SV2C: variants seen among roughly 807,000 people sequenced by gnomAD.
The protein encoded by SV2C is synaptic vesicle glycoprotein 2C, also known as solute carrier family 22 member B3.
In SV2C, 49 loss-of-function variants were observed where a neutral mutation model predicts 79.7. That is an observed-to-expected ratio of 0.61 (90% confidence interval 0.49 to 0.78). SV2C has a LOEUF of 0.78. Among genes scored for constraint, SV2C ranks in the 30% least tolerant of loss-of-function variants. The probability of loss-of-function intolerance (pLI) is 0.00; values close to 1 mark genes in which losing one functional copy is unlikely to be tolerated. For missense variants in SV2C, 833 were observed against 912.9 expected (o/e 0.91, Z 1.13); for synonymous variants, 334 against 333.2 (o/e 1.00, Z -0.03).
chr5:76,019,438 G>C, the SV2C span, among the ~76,000 whole-genome samples: 1 of 152,162 alleles, frequency 6.6e-6, no homozygotes. Context: ...TGGGGCAGCA[G>C]CTTGAGCGTT....
the SV2C span, among the ~76,000 whole-genome samples, chr5:76,047,761 C>CTTTTTTTT: frequency 7.2e-6 from 1 of 139,438 alleles, no homozygotes; most frequent in African/African-American, 2.6e-5. Flanking sequence ...TTCTTTTTTT[C>CTTTTTTTT]TTTTCTTTTT....
chr5:76,181,687 A>T (rs1743737467), intron 2 of SV2C, among the ~76,000 whole-genome samples: 1 of 152,124 alleles, frequency 6.6e-6, no homozygotes, highest in Non-Finnish European at 1.5e-5. Context: ...GGATAGGGCT[A>T]AACCATTAGA....
chr5:75,898,401 C>T, the SV2C span, among the ~76,000 whole-genome samples: 1 of 152,186 alleles, frequency 6.6e-6, no homozygotes, highest in Non-Finnish European at 1.5e-5. Context: ...ACCAGCCTTG[C>T]ATCCCAGAGA....
intron 12 of SV2C, among the ~76,000 whole-genome samples, chr5:76,307,655 T>C (rs1301625627): frequency 6.6e-6 from 1 of 152,162 alleles, no homozygotes; most frequent in Non-Finnish European, 1.5e-5. Context: ...ACATAAATAT[T>C]AGATCTTTTG....
At chr5:76,301,224 G>T (rs1269476323) in intron 11 of SV2C, among the ~76,000 whole-genome samples, 162 bp from the exon 12 acceptor site, 1 of 152,194 alleles carries the variant, frequency 6.6e-6, no homozygotes, top group African/African-American at 2.4e-5. Flanking sequence ...GGCAGTTAGA[G>T]CCTTTCATTC....
the SV2C span, among the ~76,000 whole-genome samples, chr5:75,900,787 T>C: frequency 6.6e-6 from 1 of 152,194 alleles, no homozygotes; most frequent in East Asian, 1.9e-4. Context: ...TTCATTTCTT[T>C]TTATTCTTTT....
At chr5:75,956,858 G>T in the SV2C span, among the ~76,000 whole-genome samples, 2 of 151,930 alleles carry the variant, frequency 1.3e-5, no homozygotes, top group African/African-American at 4.8e-5. Context: ...TATAAAACAT[G>T]CAGAGTTTCA....
At chr5:76,123,679 T>C (rs1201647451) in intron 1 of SV2C, among the ~76,000 whole-genome samples, 3 of 152,224 alleles carry the variant, frequency 2.0e-5, no homozygotes, top group Admixed American at 2.0e-4. Flanking sequence ...CAACGCTTCA[T>C]GTCAAATAAC....
the SV2C span, among the ~76,000 whole-genome samples, chr5:75,899,075 C>T: frequency 6.6e-6 from 1 of 152,032 alleles, no homozygotes; most frequent in Non-Finnish European, 1.5e-5. Flanking sequence ...TCCTTCAGTT[C>T]TGCTCTGATT....
intron 4 of SV2C, among the ~76,000 whole-genome samples, chr5:76,270,194 C>A (rs1487599440): frequency 1.3e-5 from 2 of 152,132 alleles, no homozygotes; most frequent in African/African-American, 4.8e-5. Flanking sequence ...ATTCATATAA[C>A]CTGAAGGAAA....
At chr5:75,896,863 C>T in the SV2C span, among the ~76,000 whole-genome samples, 1 of 148,070 alleles carries the variant, frequency 6.8e-6, no homozygotes, top group Non-Finnish European at 1.5e-5. Context: ...GCATAAATGT[C>T]TTCTTTTGAG....
chr5:76,101,218 G>A (rs971442946), intron 1 of SV2C, among the ~76,000 whole-genome samples: 2 of 152,126 alleles, frequency 1.3e-5, no homozygotes, highest in Admixed American at 1.3e-4. Flanking sequence ...GCTGAAGGGT[G>A]GGTGGGACTC....
chr5:76,093,819 T>G (rs887209688), intron 1 of SV2C, among the ~76,000 whole-genome samples: 3 of 152,134 alleles, frequency 2.0e-5, no homozygotes, highest in African/African-American at 7.2e-5. Flanking sequence ...ATTTTCCCCC[T>G]TGTAGACTTG....
chr5:76,223,828 C>G (rs1745162768), intron 4 of SV2C, among the ~76,000 whole-genome samples: 1 of 152,060 alleles, frequency 6.6e-6, no homozygotes, highest in Non-Finnish European at 1.5e-5. Flanking sequence ...ATTTATTTCT[C>G]ACAGTTCTGG....
intron 1 of SV2C, among the ~76,000 whole-genome samples, chr5:76,122,209 T>C (rs374694394): frequency 2.0e-5 from 3 of 151,448 alleles, no homozygotes; most frequent in Admixed American, 1.3e-4. Context: ...GTAATTTTTG[T>C]ACATTGATTT....
chr5:76,158,559 G>A (rs1580315494), intron 2 of SV2C, among the ~76,000 whole-genome samples: 2 of 151,790 alleles, frequency 1.3e-5, no homozygotes, highest in South Asian at 4.1e-4. Context: ...AGTAAAAACT[G>A]ACAAAAATGA....
chr5:76,223,468 T>C (rs1272047290), intron 4 of SV2C, among the ~76,000 whole-genome samples: 7 of 65,406 alleles, frequency 1.1e-4, no homozygotes, highest in East Asian at 3.5e-4. Flanking sequence ...TATATATATA[T>C]ATATATATAT....
chr5:75,852,277 A>G, the SV2C span, among the ~76,000 whole-genome samples: 1 of 152,194 alleles, frequency 6.6e-6, no homozygotes, highest in African/African-American at 2.4e-5. Flanking sequence ...ACAAACCTGC[A>G]CGTTCTGCAC....
At chr5:76,253,926 A>G (rs1323436215) in intron 4 of SV2C, among the ~76,000 whole-genome samples, 1 of 152,038 alleles carries the variant, frequency 6.6e-6, no homozygotes, top group Non-Finnish European at 1.5e-5. Flanking sequence ...GCTGCAGACT[A>G]TTCTCACTGA....
Sources: allele counts gnomAD v4.1 joint callset (sites outside exome capture counted in the v4.1 genomes callset), GRCh38; gene constraint gnomAD v4.1.1; transcripts MANE v1.5; gene names NCBI Gene and HGNC (gene_info 2026-07-23, HGNC 2026-07-21).